The following LRP1B variants were observed in gnomAD, a reference collection of about 807,000 sequenced individuals.
The protein encoded by LRP1B is low-density lipoprotein receptor-related protein 1B.
LRP1B carries 217 observed loss-of-function variants against 556.6 expected under a neutral mutation model. The ratio of observed to expected loss-of-function variants is 0.39; its 90% confidence interval spans 0.35 to 0.44. The LOEUF (loss-of-function observed/expected upper bound fraction) is 0.44. Ranked by LOEUF, LRP1B falls within the 20% of genes least tolerant of loss-of-function variation. LRP1B has a pLI of 1.00. For synonymous variants in LRP1B, 2,047 were observed against 1,865.8 expected, an observed-to-expected ratio of 1.10 and a Z score of -2.50; for missense variants, 5,053 against 5,620.8, an observed-to-expected ratio of 0.90 and a Z score of 3.23.
At chr2:141,146,101 T>G (rs1701779370) in intron 7 of LRP1B, among the ~76,000 whole-genome samples, 1 of 151,850 alleles carries the variant, frequency 6.6e-6, no homozygotes, top group South Asian at 2.1e-4. Context: ...ATTTTTGTAT[T>G]GTTAGTAGAG....
intron 41 of LRP1B, among the ~76,000 whole-genome samples, chr2:140,643,640 A>G (rs1476604885): frequency 1.3e-5 from 2 of 152,210 alleles, no homozygotes; most frequent in East Asian, 3.9e-4. Context: ...TAAAATGGAA[A>G]ACAAAATAAT....
At chr2:141,828,953 C>G (rs1697023571) in intron 1 of LRP1B, among the ~76,000 whole-genome samples, 1 of 152,088 alleles carries the variant, frequency 6.6e-6, no homozygotes. Context: ...GGTCCAGCCA[C>G]TGAACTTTGC....
At chr2:141,075,242 A>T (rs1699756008) in intron 7 of LRP1B, among the ~76,000 whole-genome samples, 2 of 152,194 alleles carry the variant, frequency 1.3e-5, no homozygotes, top group African/African-American at 4.8e-5. Context: ...GAGAAGAGAG[A>T]TTCAAAAAAT....
chr2:140,491,132 C>T (rs994616008), intron 57 of LRP1B, among the ~76,000 whole-genome samples: 1 of 151,942 alleles, frequency 6.6e-6, no homozygotes, highest in African/African-American at 2.4e-5. Context: ...TGAAAGACAA[C>T]AAAAGGAATG....
chr2:141,651,084 A>G (rs1338120123), intron 2 of LRP1B, among the ~76,000 whole-genome samples: 1 of 152,178 alleles, frequency 6.6e-6, no homozygotes, highest in Non-Finnish European at 1.5e-5. Context: ...AGATTGGTCA[A>G]CCTTGTAAAA....
chr2:141,949,906 C>T (rs181973647), intron 1 of LRP1B, among the ~76,000 whole-genome samples: 1 of 152,238 alleles, frequency 6.6e-6, no homozygotes, highest in Admixed American at 6.5e-5. Context: ...CTTTAAAAGA[C>T]AAATTATCCT....
intron 35 of LRP1B, among the ~76,000 whole-genome samples, chr2:140,753,198 AG>A (rs1688641713): frequency 6.6e-6 from 1 of 152,212 alleles, no homozygotes. Context: ...AAATTTCAAC[AG>A]TGTAACAAAA....
At chr2:140,421,004 T>C (rs563387343) in intron 66 of LRP1B, among the ~76,000 whole-genome samples, 2 of 152,210 alleles carry the variant, frequency 1.3e-5, no homozygotes, top group Non-Finnish European at 2.9e-5. Flanking sequence ...ACCTGTAATA[T>C]CAGCACTTTC....
At chr2:141,444,866 A>C (rs565788055) in intron 3 of LRP1B, among the ~76,000 whole-genome samples, 94 of 152,336 alleles carry the variant, frequency 6.2e-4, no homozygotes, top group Non-Finnish European at 1.3e-3. Context: ...GATGTTCATC[A>C]GGGATATTGG....
rs2104967536 is a variant in LRP1B at position 140,525,910 on chromosome 2, G to A, written c.7960C>T (p.Leu2654=). The A allele has an allele frequency of 6.2e-7, 1 of 1,612,454 alleles. No homozygotes were observed. The highest frequency in any genetic ancestry group is 8.5e-7 in the Non-Finnish European group (1 of 1,178,942). ...IRCNSTSLCV[L]PTWICDGSND... ...GACCCGTCGCATATCCAGGTTGGCA[G>A]AACACACAGTGAGGTAGAATTACAT... is the stretch of plus-strand genomic sequence containing the variant. The change falls in exon 49 of 91, where the codon CTG becomes TTG. Residue 2654 remains leucine, a synonymous_variant. Transcript: ENST00000389484.
chr2:140,483,424 A>G (rs1688320417), intron 59 of LRP1B, among the ~76,000 whole-genome samples: 1 of 151,714 alleles, frequency 6.6e-6, no homozygotes, highest in Non-Finnish European at 1.5e-5. Flanking sequence ...TGCTTCATAA[A>G]TAGAAAAGAC....
intron 15 of LRP1B, among the ~76,000 whole-genome samples, chr2:141,001,570 C>T (rs763228993): frequency 2.0e-5 from 3 of 152,004 alleles, no homozygotes; most frequent in Non-Finnish European, 4.4e-5. Context: ...ACACGTGGTG[C>T]TTGGTTTTCT....
chr2:142,123,944 A>G (rs543435421), intron 1 of LRP1B, among the ~76,000 whole-genome samples: 2 of 152,100 alleles, frequency 1.3e-5, no homozygotes, highest in Non-Finnish European at 2.9e-5. Flanking sequence ...ATTTACAACT[A>G]TTCTGCAATA....
chr2:141,741,577 T>C (rs978170967), intron 2 of LRP1B, among the ~76,000 whole-genome samples: 3 of 152,168 alleles, frequency 2.0e-5, no homozygotes, highest in Non-Finnish European at 4.4e-5. Context: ...TATTCCTGTT[T>C]GCCATTTGTA....
At position 140,291,298 on chromosome 2, in the gene LRP1B, T is replaced by TTATATATATATATATATATA. The variant is rs66596182; in HGVS notation, c.12967+6490_12967+6509dup. 1.0e-3 allele frequency among the ~76,000 whole-genome samples: 72 copies of TTATATATATATATATATATA among 71,988 alleles called. 4 individuals carry two copies. The highest frequency in any genetic ancestry group is 5.3e-3 in the East Asian group (13 of 2,466). 47.2% of individuals were successfully genotyped at this position (71,988 alleles called of 152,430 possible). ...AGATACCACTTCAAGAAATTTTATT[T>TTATATATATATATATATATA]TATATATATATATATATATATTTTT... On this transcript the variant is annotated intron_variant, in intron 84 of 90. Coordinates refer to ENST00000389484, the MANE Select transcript of LRP1B (RefSeq NM_018557.3).
chr2:140,593,283 A>G (rs1682301273), intron 43 of LRP1B, among the ~76,000 whole-genome samples: 1 of 152,184 alleles, frequency 6.6e-6, no homozygotes, highest in African/African-American at 2.4e-5. Flanking sequence ...AGGAACATAA[A>G]TATCTCTTTT....
At chr2:140,537,662 T>C (rs1015040835) in intron 45 of LRP1B, among the ~76,000 whole-genome samples, 2 of 152,044 alleles carry the variant, frequency 1.3e-5, no homozygotes, top group African/African-American at 4.8e-5. Flanking sequence ...TACCTGATGC[T>C]ATGGACTCCA....
chr2:140,716,409 A>T (rs1387852425), intron 36 of LRP1B, among the ~76,000 whole-genome samples: 1 of 152,118 alleles, frequency 6.6e-6, no homozygotes, highest in Non-Finnish European at 1.5e-5. Context: ...CAGGCAAAAG[A>T]GAACTTCTAA....
At chr2:141,254,797 T>C (rs1684398081) in intron 3 of LRP1B, among the ~76,000 whole-genome samples, 156 bp from the exon 4 acceptor site, 1 of 152,144 alleles carries the variant, frequency 6.6e-6, no homozygotes, top group Admixed American at 6.6e-5. Context: ...AATATGTTAG[T>C]TTACATTTGC....
Sources: allele counts gnomAD v4.1 joint callset (sites outside exome capture counted in the v4.1 genomes callset), GRCh38; gene constraint gnomAD v4.1.1; transcripts MANE v1.5; gene names NCBI Gene and HGNC (gene_info 2026-07-23, HGNC 2026-07-21).